ITCH: variants seen among roughly 807,000 people sequenced by gnomAD.
The protein encoded by ITCH is itchy E3 ubiquitin protein ligase.
A neutral mutation model predicts 126.8 loss-of-function variants in ITCH; 28 were observed. The observed-to-expected ratio is 0.22, with a 90% confidence interval of 0.16 to 0.30. The LOEUF (loss-of-function observed/expected upper bound fraction) is 0.30, where lower values mean the gene tolerates loss of function less well. ITCH is among the 10% of genes least tolerant of loss of function. ITCH has a pLI of 1.00. For missense variants in ITCH, 631 were observed against 1,032.4 expected, an observed-to-expected ratio of 0.61 and a Z score of 5.33; for synonymous variants, 342 against 340.0, an observed-to-expected ratio of 1.01 and a Z score of -0.06.
In ITCH at chr20:34,509,176, G is replaced by A. The variant is rs1978493444; in HGVS notation, c.*1382G>A. ...ATTGCTCCATTATTAACTGATTAATGCACTTTGAAGTTCTCTGGAATTAAT... is the reference window on the plus strand; with the variant it reads ...ATTGCTCCATTATTAACTGATTAATACACTTTGAAGTTCTCTGGAATTAAT... On this transcript the variant is annotated 3_prime_UTR_variant, in exon 25 of 25. Coordinates refer to ENST00000374864, the MANE Select transcript of ITCH (RefSeq NM_031483.7). The A allele has an allele frequency of 6.6e-6, 1 of 152,436 alleles. No homozygotes were observed. Among genetic ancestry groups the A allele is most frequent in the African/African-American group, 2.4e-5 (1 of 41,378 alleles). The allele number at this position is 152,436 out of a possible 1,614,324, so 9.4% of individuals were successfully genotyped here. A position where few individuals can be genotyped will look rare whatever the true frequency, so the allele number is the denominator to read the frequency against.
intron 23 of ITCH, among the ~76,000 whole-genome samples, chr20:34,503,119 A>G (rs183686344): frequency 1.4e-4 from 22 of 152,318 alleles, no homozygotes; most frequent in African/African-American, 4.1e-4. Flanking sequence ...AACGTTTCCT[A>G]TATTACTGGA....
chr20:34,402,384 A>G, intron 3 of ITCH: 1 of 798,994 alleles, frequency 1.3e-6, no homozygotes, highest in African/African-American at 1.7e-5. Flanking sequence ...TTTGGGTCCC[A>G]ACAAGCAACA....
intron 3 of ITCH, among the ~76,000 whole-genome samples, chr20:34,405,887 G>A (rs1292527105): frequency 1.3e-5 from 2 of 151,954 alleles, no homozygotes; most frequent in African/African-American, 2.4e-5. Context: ...GTCTCCCAAA[G>A]TGCTGGTATT....
intron 3 of ITCH, among the ~76,000 whole-genome samples, chr20:34,395,784 C>CT (rs35800625): frequency 1.3e-5 from 2 of 152,062 alleles, no homozygotes; most frequent in South Asian, 2.1e-4. Context: ...TACTTAATTC[C>CT]TTTTTTTGCT....
Position 34,481,087 on chromosome 20 carries a change from T to C in ITCH, c.1974T>C (p.Cys658=), listed in dbSNP as rs1249744752. 2.7e-5 allele frequency: 44 copies of C among 1,613,468 alleles called. No homozygotes were observed. The highest frequency in any genetic ancestry group is 3.6e-5 in the Non-Finnish European group (43 of 1,179,664). The change falls in exon 20 of 25, where the codon TGT becomes TGC. Residue 658 remains cysteine (C), a synonymous_variant. Transcript: ENST00000374864. ...GCAGGGAAAACAATATTGAGGAATG[T>C]GATTTGGAAATGTACTTCTCCGTTG... ...IWVKENNIEE[C]DLEMYFSVDK...
At chr20:34,472,146 C>T (rs1453414962) in intron 16 of ITCH, among the ~76,000 whole-genome samples, 2 of 151,942 alleles carry the variant, frequency 1.3e-5, no homozygotes, top group Admixed American at 6.6e-5. Flanking sequence ...GAGGCTGAGG[C>T]GGGTACATCA....
chr20:34,388,357 T>C (rs2146051617), intron 2 of ITCH, among the ~76,000 whole-genome samples: 2 of 152,228 alleles, frequency 1.3e-5, no homozygotes, highest in South Asian at 4.1e-4. Context: ...TGTTTGTTTT[T>C]AAATCTTGTT....
intron 3 of ITCH, among the ~76,000 whole-genome samples, chr20:34,397,770 GA>G (rs2038727488): frequency 6.6e-6 from 1 of 151,530 alleles, no homozygotes. Flanking sequence ...TTGAGTAGCT[GA>G]CTTATATCAG....
At chr20:34,504,508 T>G (rs922642097) in intron 24 of ITCH, 105 bp downstream of exon 24, 3 of 767,396 alleles carry the variant, frequency 3.9e-6, no homozygotes, top group Non-Finnish European at 6.9e-6. Flanking sequence ...ATTTACAGAA[T>G]AGCACAGCCA....
chr20:34,506,729 C>A (rs1990640733), intron 24 of ITCH, among the ~76,000 whole-genome samples: 1 of 152,190 alleles, frequency 6.6e-6, no homozygotes, highest in African/African-American at 2.4e-5. Context: ...AACAATGACT[C>A]CCCATGACTC....
Position 34,405,806 on chromosome 20 carries a change from T to G in ITCH, c.71-2845T>G, listed in dbSNP as rs183070103. Reference sequence around the variant, plus strand: ...TTTTTTTTTATTTTTTATTTTTTAATAGAGATGAGGTCTCACTGTGTTGTC... The same window carrying G: ...TTTTTTTTTATTTTTTATTTTTTAAGAGAGATGAGGTCTCACTGTGTTGTC... On this transcript the variant is annotated intron_variant, in intron 3 of 24. Transcript: ENST00000374864. 5.0e-3 allele frequency among the ~76,000 whole-genome samples: 760 copies of G among 152,122 alleles called. 3 individuals are homozygous for G. The highest frequency in any genetic ancestry group is 6.9e-3 in the Non-Finnish European group (472 of 67,986).
At chr20:34,503,885 G>GTTTTT (rs11167236) in intron 23 of ITCH, among the ~76,000 whole-genome samples, 9 of 109,620 alleles carry the variant, frequency 8.2e-5, no homozygotes, top group South Asian at 2.8e-4. Flanking sequence ...TTTTTTTTTG[G>GTTTTT]TTTTTTTTTT....
chr20:34,474,477 G>C (rs1430687474), intron 16 of ITCH, among the ~76,000 whole-genome samples: 1 of 152,202 alleles, frequency 6.6e-6, no homozygotes, highest in Non-Finnish European at 1.5e-5. Flanking sequence ...CACAGGGTTG[G>C]GGGTAAGGTC....
chr20:34,507,290 G>GGTT (rs1555887355), intron 24 of ITCH, among the ~76,000 whole-genome samples: 2 of 70,006 alleles, frequency 2.9e-5, no homozygotes, highest in African/African-American at 6.1e-5. Context: ...TTTTTTTTTT[G>GGTT]GTTGTTGTTG....
intron 20 of ITCH, among the ~76,000 whole-genome samples, chr20:34,481,440 A>T (rs1035407540): frequency 6.6e-6 from 1 of 152,190 alleles, no homozygotes; most frequent in Admixed American, 6.5e-5. Context: ...CTCTGTAATC[A>T]CTATGCTGTA....
At chr20:34,462,053 C>G (rs1986576075) in intron 13 of ITCH, 40 bp from the exon 14 acceptor site, 1 of 1,604,112 alleles carries the variant, frequency 6.2e-7, no homozygotes, top group Non-Finnish European at 8.5e-7. Flanking sequence ...ACAAGCAACT[C>G]TTTAATATTT....
intron 23 of ITCH, among the ~76,000 whole-genome samples, chr20:34,494,529 T>A (rs1989728986): frequency 6.6e-6 from 1 of 152,192 alleles, no homozygotes; most frequent in African/African-American, 2.4e-5. Flanking sequence ...TTGTACACAT[T>A]TAGGGGTACA....
intron 3 of ITCH, among the ~76,000 whole-genome samples, chr20:34,400,048 T>A (rs1201642405): frequency 6.6e-6 from 1 of 151,898 alleles, no homozygotes; most frequent in Non-Finnish European, 1.5e-5. Flanking sequence ...AAGCAATTTT[T>A]CTGCGTCAGC....
chr20:34,402,344 CAAT>C, intron 3 of ITCH: 2 of 969,682 alleles, frequency 2.1e-6, no homozygotes, highest in Non-Finnish European at 3.4e-6. Flanking sequence ...GCAAGTTTCT[CAAT>C]AGTAGAGGGG....
Sources: gnomAD v4.1 joint callset for allele counts (sites outside exome capture counted in the v4.1 genomes callset) on GRCh38, gnomAD v4.1.1 for gene constraint, MANE v1.5 for transcripts, NCBI Gene and HGNC (gene_info 2026-07-23, HGNC 2026-07-21) for gene names.